Variants in CLPB observed in about 807,000 individuals in gnomAD.
CLPB encodes the protein ClpB family mitochondrial disaggregase.
CLPB carries 40 observed loss-of-function variants against 78.4 expected under a neutral mutation model. The ratio of observed to expected loss-of-function variants is 0.51; its 90% confidence interval spans 0.40 to 0.66. CLPB has a LOEUF of 0.66. Among genes scored for constraint, CLPB ranks in the 30% least tolerant of loss-of-function variants. The pLI, the probability that CLPB is intolerant of heterozygous loss-of-function variation, is 0.00. For synonymous variants in CLPB, 333 were observed against 348.0 expected (o/e 0.96, Z 0.48); for missense variants, 780 against 886.9 (o/e 0.88, Z 1.53).
chr11:72,396,477 C>T (rs772635847), intron 3 of CLPB, among the ~76,000 whole-genome samples: 8 of 152,164 alleles, frequency 5.3e-5, no homozygotes, highest in Non-Finnish European at 1.0e-4. Flanking sequence ...AGCACCACAA[C>T]GGCCTCACTA....
intron 4 of CLPB, among the ~76,000 whole-genome samples, chr11:72,379,069 C>G (rs1327193878): frequency 6.6e-6 from 1 of 152,192 alleles, no homozygotes; most frequent in Non-Finnish European, 1.5e-5. Context: ...CCTTAATGCT[C>G]TTGGACACTC....
At chr11:72,420,083 C>A (rs900405566) in intron 2 of CLPB, among the ~76,000 whole-genome samples, 10 of 152,334 alleles carry the variant, frequency 6.6e-5, no homozygotes, top group African/African-American at 2.4e-4. Context: ...TGGTGGCTCA[C>A]ACCTGTAATC....
At chr11:72,387,478 G>A (rs147604574) in intron 3 of CLPB, among the ~76,000 whole-genome samples, 76 of 152,186 alleles carry the variant, frequency 5.0e-4, no homozygotes, top group Middle Eastern at 6.8e-3. Context: ...AAGACAGCAT[G>A]GCATTTTATA....
intron 4 of CLPB, among the ~76,000 whole-genome samples, chr11:72,377,663 G>A (rs1220038352): frequency 2.7e-5 from 4 of 149,924 alleles, no homozygotes; most frequent in African/African-American, 7.4e-5. Context: ...GGGAAGGGAA[G>A]GGGAAGGGAA....
chr11:72,350,381 T>C (rs111786611), intron 5 of CLPB, among the ~76,000 whole-genome samples: 2 of 152,338 alleles, frequency 1.3e-5, no homozygotes, highest in African/African-American at 4.8e-5. Context: ...AAATGCCATA[T>C]GCTCAGGGAA....
chr11:72,383,030 T>C (rs991859183), intron 3 of CLPB, among the ~76,000 whole-genome samples: 4 of 150,858 alleles, frequency 2.7e-5, no homozygotes, highest in African/African-American at 9.8e-5. Flanking sequence ...TTAAAAAACA[T>C]CAAAAGAAAT....
chr11:72,365,147 C>G (rs1163384899), intron 4 of CLPB, among the ~76,000 whole-genome samples: 1 of 152,074 alleles, frequency 6.6e-6, no homozygotes, highest in Non-Finnish European at 1.5e-5. Flanking sequence ...TAGTGAAACC[C>G]CGTCTCTACT....
intron 12 of CLPB, 132 bp from the exon 13 acceptor site, chr11:72,294,825 C>T: frequency 6.6e-6 from 5 of 753,510 alleles, no homozygotes; most frequent in Admixed American, 6.3e-5. Context: ...AGGTCTAAGG[C>T]TCTCTGGGCT....
intron 5 of CLPB, among the ~76,000 whole-genome samples, chr11:72,343,006 G>A (rs1950449152): frequency 6.6e-6 from 1 of 152,210 alleles, no homozygotes; most frequent in African/African-American, 2.4e-5. Context: ...CCAAAGGACT[G>A]AGCTGACCAG....
Position 72,293,181 on chromosome 11 carries a change from G to T in CLPB, c.*186C>A. ...ATGGGCCCACAACAAAGGGGCCAGA[G>T]TAGGGCGAAATTCCTCCTTCAGGTT... is the stretch of plus-strand genomic sequence containing the variant. On this transcript the variant is annotated 3_prime_UTR_variant, in exon 16 of 16. Transcript: ENST00000538039. 1 of 691,158 alleles carries T rather than the reference G, an allele frequency of 1.4e-6. No homozygotes were observed. Among genetic ancestry groups the T allele is most frequent in the Non-Finnish European group, 2.4e-6 (1 of 420,032 alleles). 42.8% of individuals were successfully genotyped at this position (691,158 alleles called of 1,614,324 possible).
Position 72,287,342 on chromosome 11 carries a change from G to C in CLPB, c.*6025C>G, listed in dbSNP as rs1234739338. The C allele has an allele frequency of 6.6e-6, 1 of 151,960 alleles. No homozygotes were observed. The highest frequency in any genetic ancestry group is 1.5e-5 in the Non-Finnish European group (1 of 67,998). The allele number at this position is 151,960 out of a possible 1,614,324, so 9.4% of individuals were successfully genotyped here. A position where few individuals can be genotyped will look rare whatever the true frequency, so the allele number is the denominator to read the frequency against. Reference sequence around the variant, plus strand: ...TTTTTTATTTTTGGGACATGGTCTCGCTCTGTCACCCAGGCTGGAGTGCAG... The same window carrying C: ...TTTTTTATTTTTGGGACATGGTCTCCCTCTGTCACCCAGGCTGGAGTGCAG... On this transcript the variant is annotated 3_prime_UTR_variant, in exon 16 of 16. Coordinates refer to ENST00000538039, the MANE Select transcript of CLPB (RefSeq NM_001258392.3).
chr11:72,303,353 T>C (rs1398683213), intron 9 of CLPB, among the ~76,000 whole-genome samples: 2 of 152,220 alleles, frequency 1.3e-5, no homozygotes, highest in Admixed American at 6.5e-5. Context: ...TATTCTAGCT[T>C]GGCCACTGGT....
At chr11:72,420,935 G>A (rs370813462) in intron 2 of CLPB, among the ~76,000 whole-genome samples, 18 of 152,182 alleles carry the variant, frequency 1.2e-4, no homozygotes, top group East Asian at 7.7e-4. Flanking sequence ...CAAGGCGGGC[G>A]GATCACCAGA....
chr11:72,319,255 G>A (rs936770102), intron 6 of CLPB, among the ~76,000 whole-genome samples: 3 of 152,202 alleles, frequency 2.0e-5, no homozygotes, highest in Non-Finnish European at 4.4e-5. Flanking sequence ...CTTCCTGTTT[G>A]TCTCTCCTTC....
In CLPB at chr11:72,292,796, G is replaced by C. The variant is rs528437171; in HGVS notation, c.*571C>G. On this transcript the variant is annotated 3_prime_UTR_variant, in exon 16 of 16. Transcript: ENST00000538039. The stretch of plus-strand genomic sequence containing the variant: ...TGGGCATAATATAGTAGCGGAAACA[G>C]GCAAGCCTCTATGGGTCCCTTCCCC... 6.5e-6 allele frequency: 1 copy of C among 154,406 alleles called. No individual in the cohort carries two copies. Among genetic ancestry groups the C allele is most frequent in the South Asian group, 2.0e-4 (1 of 4,944 alleles). The allele number at this position is 154,406 out of a possible 1,614,324, so 9.6% of individuals were successfully genotyped here.
chr11:72,299,272 C>T (rs1283373002), intron 11 of CLPB, among the ~76,000 whole-genome samples: 1 of 152,190 alleles, frequency 6.6e-6, no homozygotes, highest in Admixed American at 6.5e-5. Flanking sequence ...TTGTTAATGA[C>T]CCTCTCCCTT....
intron 9 of CLPB, among the ~76,000 whole-genome samples, 162 bp downstream of exon 9, chr11:72,307,037 C>A (rs1183625119): frequency 1.3e-5 from 2 of 152,190 alleles, no homozygotes; most frequent in African/African-American, 2.4e-5. Context: ...ATCTCTGGAG[C>A]AACTGGTGGC....
chr11:72,383,447 CG>C (rs1854979447), intron 3 of CLPB, among the ~76,000 whole-genome samples: 1 of 150,574 alleles, frequency 6.6e-6, no homozygotes, highest in Non-Finnish European at 1.5e-5. Flanking sequence ...AGGAGAATGG[CG>C]TGAACCCGGG....
chr11:72,414,590 G>A (rs901188323), intron 2 of CLPB, among the ~76,000 whole-genome samples: 5 of 152,234 alleles, frequency 3.3e-5, no homozygotes, highest in African/African-American at 1.2e-4. Flanking sequence ...CAAAACTGAA[G>A]TAACATCTCC....
Sources: allele counts gnomAD v4.1 joint callset (sites outside exome capture counted in the v4.1 genomes callset), GRCh38; gene constraint gnomAD v4.1.1; transcripts MANE v1.5; gene names NCBI Gene and HGNC (gene_info 2026-07-23, HGNC 2026-07-21).